ERC1: variants seen among roughly 807,000 people sequenced by gnomAD.
The protein encoded by ERC1 is RAB6 interacting protein 2.
In ERC1, 56 loss-of-function variants were observed where a neutral mutation model predicts 132.0. That is an observed-to-expected ratio of 0.42 (90% CI 0.34 to 0.53). The LOEUF is 0.53. Among genes scored for constraint, ERC1 ranks in the 20% least tolerant of loss-of-function variants. ERC1 has a pLI of 0.03. For missense variants in ERC1, 1,202 were observed against 1,349.9 expected (o/e 0.89, Z 1.72); for synonymous variants, 478 against 476.1 (o/e 1.00, Z -0.05).
chr12:1,398,961 G>GTTTTTT (rs1566770483), intron 16 of ERC1, among the ~76,000 whole-genome samples: 1 of 36,096 alleles, frequency 2.8e-5, no homozygotes, highest in Non-Finnish European at 6.1e-5. Flanking sequence ...TTTTTTTTTT[G>GTTTTTT]TTGAAACAAG....
At chr12:1,444,822 G>C (rs903160897) in intron 18 of ERC1, 72 bp downstream of exon 18, 7 of 1,409,790 alleles carry the variant, frequency 5.0e-6, no homozygotes, top group African/African-American at 1.5e-5. Flanking sequence ...TGCAGTGGGG[G>C]CTACCTTGGG....
At chr12:1,113,428 C>T (rs554906290) in intron 6 of ERC1, among the ~76,000 whole-genome samples, 1 of 152,158 alleles carries the variant, frequency 6.6e-6, no homozygotes, top group Non-Finnish European at 1.5e-5. Flanking sequence ...TACAGGCAGT[C>T]TTCTTCCACA....
At chr12:1,173,966 A>G (rs1432444417) in intron 8 of ERC1, among the ~76,000 whole-genome samples, 1 of 151,774 alleles carries the variant, frequency 6.6e-6, no homozygotes, top group East Asian at 1.9e-4. Context: ...ATGATGCTGG[A>G]TTCAGTGGGA....
chr12:1,057,720 T>C (rs1007480633), intron 2 of ERC1, among the ~76,000 whole-genome samples: 8 of 150,586 alleles, frequency 5.3e-5, no homozygotes, highest in Non-Finnish European at 1.2e-4. Flanking sequence ...CTCAGCCTCC[T>C]TAGTAGCTGG....
intron 12 of ERC1, among the ~76,000 whole-genome samples, chr12:1,208,077 A>G (rs1361693911): frequency 6.6e-6 from 1 of 152,132 alleles, no homozygotes; most frequent in East Asian, 1.9e-4. Context: ...CCTCATAACA[A>G]CTATATGAAT....
chr12:1,440,345 C>T (rs1183768675), intron 17 of ERC1, among the ~76,000 whole-genome samples: 7 of 149,132 alleles, frequency 4.7e-5, no homozygotes, highest in Non-Finnish European at 7.4e-5. Context: ...GCTGGGACTA[C>T]AGACGCCCGC....
chr12:1,390,637 C>T (rs1032723503), intron 16 of ERC1: 7 of 152,126 alleles, frequency 4.6e-5, no homozygotes, highest in African/African-American at 9.7e-5. Flanking sequence ...GTTCATCTCC[C>T]GGAGGTGGGG....
intron 16 of ERC1, among the ~76,000 whole-genome samples, chr12:1,403,708 A>C (rs2091259847): frequency 6.6e-6 from 1 of 152,184 alleles, no homozygotes; most frequent in Non-Finnish European, 1.5e-5. Context: ...ACTCCTAAGA[A>C]GTACTTTAAA....
chr12:1,306,234 A>C (rs2080872082), intron 15 of ERC1, among the ~76,000 whole-genome samples: 1 of 152,228 alleles, frequency 6.6e-6, no homozygotes, highest in East Asian at 1.9e-4. Flanking sequence ...CTCTAGGAGC[A>C]GACTTACAGA....
intron 15 of ERC1, among the ~76,000 whole-genome samples, chr12:1,314,033 AATGGGCTGGAGGGT>A (rs1467752357): frequency 9.2e-5 from 14 of 152,110 alleles, no homozygotes; most frequent in African/African-American, 2.9e-4. Flanking sequence ...TGGTAGTGAT[AATGGGCTGGAGGGT>A]ATGGTGAGTC....
At chr12:1,212,844 C>T (rs527637112) in intron 12 of ERC1, among the ~76,000 whole-genome samples, 1 of 152,328 alleles carries the variant, frequency 6.6e-6, no homozygotes, top group East Asian at 1.9e-4. Context: ...GCTGGAGTTT[C>T]TCTGGGGACC....
intron 15 of ERC1, among the ~76,000 whole-genome samples, chr12:1,310,214 A>ATTTTGTTTTGTTGTG (rs149839604): frequency 1.4e-5 from 2 of 144,342 alleles, no homozygotes; most frequent in Non-Finnish European, 3.1e-5. Flanking sequence ...GTTCTTTTTT[A>ATTTTGTTTTGTTGTG]TTTTATTTTA....
intron 1 of ERC1, among the ~76,000 whole-genome samples, chr12:1,001,287 G>C (rs991714543): frequency 1.3e-5 from 2 of 152,126 alleles, no homozygotes; most frequent in Non-Finnish European, 2.9e-5. Context: ...CGAATTCATA[G>C]CTTCAAATGA....
chr12:1,055,580 A>C (rs73033141), intron 2 of ERC1, among the ~76,000 whole-genome samples: 7,546 of 152,238 alleles, frequency 0.05, 285 homozygotes, highest in Non-Finnish European at 0.064. Context: ...GCATTTAAAA[A>C]AATGTTTGGA....
chr12:1,214,917 A>G (rs1328639309), intron 12 of ERC1, among the ~76,000 whole-genome samples: 2 of 152,174 alleles, frequency 1.3e-5, no homozygotes, highest in Non-Finnish European at 2.9e-5. Context: ...CCAGCATTTA[A>G]CCTAGAGCTC....
chr12:1,244,463 T>C (rs7976337), intron 13 of ERC1: 117 of 432,472 alleles, frequency 2.7e-4, no homozygotes, highest in Non-Finnish European at 5.0e-4. Flanking sequence ...ATAATTCTAG[T>C]ATTAAAATAT....
upstream of ERC1, chr12:990,414 A>G (rs1959170289): frequency 6.6e-6 from 1 of 152,216 alleles, no homozygotes; most frequent in South Asian, 2.1e-4. Flanking sequence ...TGCACGAGAA[A>G]ATCGGGTTGC....
At chr12:1,282,147 C>T (rs2078723177) in intron 14 of ERC1, among the ~76,000 whole-genome samples, 1 of 152,064 alleles carries the variant, frequency 6.6e-6, no homozygotes, top group Non-Finnish European at 1.5e-5. Flanking sequence ...CCCAGAGTGA[C>T]TCATGAGATA....
At chr12:1,373,789 GAAGAAAAGAAAGAA>G (rs111525871) in intron 16 of ERC1, among the ~76,000 whole-genome samples, 44,327 of 145,290 alleles carry the variant, frequency 0.31, 6,685 homozygotes, top group Middle Eastern at 0.36. Context: ...AAAAGAAAAA[GAAGAAAAGAAAGAA>G]AAGAAAAGGA....
Sources: gnomAD v4.1 joint callset for allele counts (sites outside exome capture counted in the v4.1 genomes callset) on GRCh38, gnomAD v4.1.1 for gene constraint, MANE v1.5 for transcripts, NCBI Gene and HGNC (gene_info 2026-07-23, HGNC 2026-07-21) for gene names.